WWC2: variants seen among roughly 807,000 people sequenced by gnomAD.
WWC2 encodes protein WWC2.
A neutral mutation model predicts 138.5 loss-of-function variants in WWC2; 101 were observed. That is an observed-to-expected ratio of 0.73 (90% CI 0.62 to 0.86). The LOEUF is 0.86. WWC2 is among the 40% of genes least tolerant of loss of function. The probability of loss-of-function intolerance (pLI) is 0.00; values close to 1 mark genes in which losing one functional copy is unlikely to be tolerated. For missense variants in WWC2, 1,420 were observed against 1,419.4 expected (o/e 1.00, Z -0.01); for synonymous variants, 558 against 538.4 (o/e 1.04, Z -0.50).
rs1409322247 is a variant in WWC2 at position 183,271,091 on chromosome 4, G to T, written c.2412G>T (p.Gln804His). Residue 804 changes from glutamine to histidine, a missense_variant, in exon 16 of 23, where the codon CAG becomes CAT. Physicochemically the swap from Gln to His is conservative, Grantham distance 24. Coordinates refer to ENST00000403733, the MANE Select transcript of WWC2 (RefSeq NM_024949.6). Reference protein sequence around the residue: ...HRREECLAGTQISLADLPFSS... With the variant: ...HRREECLAGTHISLADLPFSS... ...TTTCACTTACATAGGCTGGAACTCA[G>T]ATCAGCCTGGCAGATTTACCATTTT... 1.3e-6 allele frequency: 2 copies of T among 1,591,848 alleles called. No homozygotes were observed. Among genetic ancestry groups the T allele is most frequent in the Non-Finnish European group, 1.7e-6 (2 of 1,168,900 alleles).
At chr4:183,124,822 C>T in intron 1 of WWC2, among the ~76,000 whole-genome samples, 1 of 152,130 alleles carries the variant, frequency 6.6e-6, no homozygotes, top group East Asian at 1.9e-4. Flanking sequence ...AACTCTTGAC[C>T]TTGTGATCTG....
At chr4:183,293,351 T>G (rs1738523727) in intron 21 of WWC2, among the ~76,000 whole-genome samples, 1 of 152,228 alleles carries the variant, frequency 6.6e-6, no homozygotes, top group African/African-American at 2.4e-5. Context: ...TATATTTATA[T>G]AATTCATTAC....
chr4:183,254,059 A>T, intron 9 of WWC2, 60 bp downstream of exon 9: 2 of 1,565,390 alleles, frequency 1.3e-6, no homozygotes, highest in South Asian at 2.4e-5. Context: ...TTAACTGGAT[A>T]CTATTTTCCC....
intron 9 of WWC2, among the ~76,000 whole-genome samples, chr4:183,255,875 T>G (rs1172858991): frequency 2.7e-5 from 4 of 148,854 alleles, no homozygotes; most frequent in African/African-American, 1.0e-4. Flanking sequence ...AGGCTTTTTT[T>G]CCTTTTTTTT....
In WWC2 at chr4:183,099,496, C is replaced by T. The variant is rs1429497053; in HGVS notation, c.5C>T (p.Pro2Leu). The T allele has an allele frequency of 7.4e-7, 1 of 1,352,854 alleles. No individual in the cohort carries two copies. The highest frequency in any genetic ancestry group is 9.6e-7 in the Non-Finnish European group (1 of 1,037,514). The allele number at this position is 1,352,854 out of a possible 1,614,324, so 83.8% of individuals were successfully genotyped here. ...TCGCCGGCGAGGCCGCCGACCATGC[C>T]TAGGAGGGCCGGGAGCGGTCAGCTG... is the stretch of plus-strand genomic sequence containing the variant. The part of the protein sequence containing the change: M[P>L]RRAGSGQLPL... The change falls in exon 1 of 23, where the codon CCT (proline) becomes CTT (leucine). Residue 2 changes from proline to leucine, a missense_variant. Coordinates refer to ENST00000403733, the MANE Select transcript of WWC2 (RefSeq NM_024949.6).
intron 21 of WWC2, among the ~76,000 whole-genome samples, chr4:183,308,555 A>T (rs1319809955): frequency 6.6e-6 from 1 of 152,138 alleles, no homozygotes; most frequent in Non-Finnish European, 1.5e-5. Context: ...AGATTGACCC[A>T]CTTAAATATA....
intron 21 of WWC2, 112 bp downstream of exon 21, chr4:183,289,747 T>C (rs1334949957): frequency 6.8e-7 from 1 of 1,472,844 alleles, no homozygotes; most frequent in Non-Finnish European, 9.0e-7. Flanking sequence ...CTTTAGATGT[T>C]TTACTACAGC....
chr4:183,310,419 A>T (rs1739171240), intron 21 of WWC2, among the ~76,000 whole-genome samples: 7 of 152,202 alleles, frequency 4.6e-5, no homozygotes. Context: ...CTGAGAAAAA[A>T]ACAATATATT....
At position 183,158,384 on chromosome 4, in the gene WWC2, A is replaced by C. The variant is rs904621350; in HGVS notation, c.132-35215A>C. Among the ~76,000 whole-genome samples, 6 of 5,172 alleles carry C rather than the reference A, an allele frequency of 1.2e-3. No individual in the cohort carries two copies. In the Admixed American group the frequency reaches 0.036, roughly 31 times the overall value. The allele number at this position is 5,172 out of a possible 152,430, so 3.4% of individuals were successfully genotyped here. On this transcript the variant is annotated intron_variant, in intron 1 of 22. Transcript: ENST00000403733. ...CACAGTTCCAGAGGCTGAGTCTGAG[A>C]CCGGGTGTAGGCAGGGTTGGTTTCT...
intron 7 of WWC2, 45 bp downstream of exon 7, chr4:183,248,905 G>A (rs1350415784): frequency 5.4e-6 from 8 of 1,476,100 alleles, no homozygotes; most frequent in Non-Finnish European, 7.3e-6. Flanking sequence ...TGTCCTTGAT[G>A]GGCCTTAATT....
chr4:183,112,866 A>T (rs1732280800), intron 1 of WWC2, among the ~76,000 whole-genome samples: 1 of 151,842 alleles, frequency 6.6e-6, no homozygotes, highest in Admixed American at 6.6e-5. Context: ...TGGGGGGAAG[A>T]GTGGTCTAGG....
intron 21 of WWC2, among the ~76,000 whole-genome samples, chr4:183,305,134 C>T (rs1467447341): frequency 6.6e-5 from 10 of 152,026 alleles, no homozygotes; most frequent in Non-Finnish European, 1.2e-4. Context: ...GATGGACTCA[C>T]GGGCACACTG....
intron 21 of WWC2, among the ~76,000 whole-genome samples, chr4:183,295,372 C>T (rs932360392): frequency 2.6e-5 from 4 of 152,184 alleles, no homozygotes; most frequent in African/African-American, 9.7e-5. Flanking sequence ...CTCCTGCTCA[C>T]CACTAGAATA....
chr4:183,142,941 A>G (rs17074422), intron 1 of WWC2, among the ~76,000 whole-genome samples: 1,708 of 152,320 alleles, frequency 0.011, 34 homozygotes, highest in African/African-American at 0.039. Flanking sequence ...AGAATGAGCA[A>G]TATGAAGTGA....
At chr4:183,256,825 G>A (rs1048271060) in intron 9 of WWC2, among the ~76,000 whole-genome samples, 6 of 148,214 alleles carry the variant, frequency 4.0e-5, no homozygotes, top group Non-Finnish European at 7.4e-5. Flanking sequence ...ATTGCTGAAC[G>A]TTGGTGTCTG....
chr4:183,099,603 T>C lies in WWC2; in HGVS notation c.112T>C (p.Trp38Arg). Reference protein sequence around the residue: ...YIDHNTRRTSWIDPRDRLTKP... With the variant: ...YIDHNTRRTSRIDPRDRLTKP... ...TGACCACAACACCAGGAGGACCAGC[T>C]GGATCGACCCCCGGGACAGGTGGGC... The change falls in exon 1 of 23, where the codon TGG becomes CGG. Residue 38 changes from tryptophan (W) to arginine (R), a missense_variant. By Grantham distance (101) the Trp-to-Arg change is moderately radical. Coordinates refer to ENST00000403733, the MANE Select transcript of WWC2 (RefSeq NM_024949.6). The C allele has an allele frequency of 7.3e-7, 1 of 1,376,598 alleles. No individual in the cohort carries two copies. The highest frequency in any genetic ancestry group is 1.6e-5 in the South Asian group (1 of 61,794). The allele number at this position is 1,376,598 out of a possible 1,614,324, so 85.3% of individuals were successfully genotyped here. A position where few individuals can be genotyped will look rare whatever the true frequency, so the allele number is the denominator to read the frequency against.
intron 1 of WWC2, among the ~76,000 whole-genome samples, chr4:183,117,698 G>A (rs1732459212): frequency 6.7e-6 from 1 of 150,084 alleles, no homozygotes; most frequent in Admixed American, 6.6e-5. Flanking sequence ...TTGAACTCTT[G>A]CGCTTAAGGG....
chr4:183,179,343 C>T (rs1734556491), intron 1 of WWC2, among the ~76,000 whole-genome samples: 1 of 152,086 alleles, frequency 6.6e-6, no homozygotes, highest in Non-Finnish European at 1.5e-5. Flanking sequence ...TATTTTTTAA[C>T]TAAAATCTTA....
chr4:183,217,068 T>G (rs2111256909), intron 4 of WWC2, among the ~76,000 whole-genome samples: 1 of 152,348 alleles, frequency 6.6e-6, no homozygotes, highest in South Asian at 2.1e-4. Flanking sequence ...TGCATTGGAC[T>G]TCTTCTAACA....
Sources: allele counts gnomAD v4.1 joint callset (sites outside exome capture counted in the v4.1 genomes callset), GRCh38; gene constraint gnomAD v4.1.1; transcripts MANE v1.5; gene names NCBI Gene and HGNC (gene_info 2026-07-23, HGNC 2026-07-21).